The following PLOD2 variants were observed in gnomAD, a reference collection of about 807,000 sequenced individuals.
PLOD2 encodes procollagen-lysine,2-oxoglutarate 5-dioxygenase 2, also known as lysine hydroxylase 2.
Under a neutral mutation model 101.0 loss-of-function variants are expected in PLOD2, and 65 were observed. That is an observed-to-expected ratio of 0.64 (90% CI 0.53 to 0.79). PLOD2 has a LOEUF of 0.79. Ranked by LOEUF, PLOD2 falls within the 30% of genes least tolerant of loss-of-function variation. The pLI, the probability that PLOD2 is intolerant of heterozygous loss-of-function variation, is 0.00. For synonymous variants in PLOD2, 314 were observed against 302.9 expected (o/e 1.04, Z -0.38); for missense variants, 909 against 914.6 (o/e 0.99, Z 0.08).
Position 146,096,880 on chromosome 3 carries a change from T to TGG in PLOD2, c.778-4981_778-4980dup, listed in dbSNP as rs1319532674. Among the ~76,000 whole-genome samples the TGG allele has an allele frequency of 5.6e-3, 359 of 63,568 alleles. 14 individuals carry two copies. The highest frequency in any genetic ancestry group is 0.024 in the African/African-American group (336 of 14,206). 41.7% of individuals were successfully genotyped at this position (63,568 alleles called of 152,430 possible). A position where few individuals can be genotyped will look rare whatever the true frequency, so the allele number is the denominator to read the frequency against. ...CCAGCTGCCCCGTCCGGGAGGGAGG[T>TGG]GGGGGGGGGGAGTCGGCCAGCCGCC... On this transcript the variant is annotated intron_variant, in intron 7 of 19. Transcript: ENST00000282903.
intron 8 of PLOD2, among the ~76,000 whole-genome samples, chr3:146,091,353 A>G (rs1193925055): frequency 6.6e-6 from 1 of 151,912 alleles, no homozygotes; most frequent in South Asian, 2.1e-4. Context: ...GAGTTTTGTG[A>G]AGTTTAAATG....
chr3:146,138,015 C>T (rs1393000435), intron 1 of PLOD2, among the ~76,000 whole-genome samples: 1 of 151,964 alleles, frequency 6.6e-6, no homozygotes, highest in Non-Finnish European at 1.5e-5. Flanking sequence ...GAGAGGGATT[C>T]GTGTTTTCAT....
chr3:146,132,286 T>C (rs1276167326), intron 1 of PLOD2, among the ~76,000 whole-genome samples: 2 of 152,184 alleles, frequency 1.3e-5, no homozygotes, highest in Admixed American at 1.3e-4. Context: ...TTGGTCACCA[T>C]AGCAGTATGT....
intron 3 of PLOD2, among the ~76,000 whole-genome samples, chr3:146,118,203 T>A (rs552390630): frequency 6.6e-6 from 1 of 152,128 alleles, no homozygotes; most frequent in African/African-American, 2.4e-5. Context: ...GTATTCTTTT[T>A]CTAAGTGTAA....
At chr3:146,121,288 A>T (rs766897488) in intron 2 of PLOD2, 40 bp from the exon 3 acceptor site, 1 of 1,586,700 alleles carries the variant, frequency 6.3e-7, no homozygotes, top group Non-Finnish European at 8.6e-7. Context: ...AGCAAAACTC[A>T]AATTATGAAA....
Position 146,160,977 on chromosome 3 carries a change from T to G in PLOD2, c.13A>C (p.Thr5Pro). The G allele has an allele frequency of 1.3e-6, 2 of 1,586,370 alleles. No homozygotes were observed. Among genetic ancestry groups the G allele is most frequent in the Non-Finnish European group, 1.7e-6 (2 of 1,166,200 alleles). ...AGGAGCAGCAGCTGAGGCTTCACCG[T>G]GCATCCCCCCATATTCGGCCCTCGA... is the stretch of plus-strand genomic sequence containing the variant. MGGC[T>P]VKPQLLLLAL... Residue 5 changes from threonine (T) to proline (P), a missense_variant, in exon 1 of 20, where the codon ACG (threonine) becomes CCG (proline). Thr to Pro is a conservative substitution (Grantham distance 38). Coordinates refer to ENST00000282903, the MANE Select transcript of PLOD2 (RefSeq NM_182943.3).
At chr3:146,091,727 T>C in intron 8 of PLOD2, 73 bp downstream of exon 8, 3 of 880,544 alleles carry the variant, frequency 3.4e-6, no homozygotes, top group Non-Finnish European at 5.7e-6. Flanking sequence ...TTGCCTTTTT[T>C]CCTATAAATC....
At chr3:146,151,683 G>A (rs867688477) in intron 1 of PLOD2, among the ~76,000 whole-genome samples, 8 of 152,240 alleles carry the variant, frequency 5.3e-5, no homozygotes, top group African/African-American at 1.7e-4. Context: ...ACCCGTAAGT[G>A]CTTCTCAGAT....
intron 1 of PLOD2, among the ~76,000 whole-genome samples, chr3:146,135,150 T>C (rs1430978747): frequency 6.6e-6 from 1 of 152,190 alleles, no homozygotes. Flanking sequence ...ATAAAATGAA[T>C]ACATTTAAAT....
At chr3:146,157,472 G>C (rs959191033) in intron 1 of PLOD2, among the ~76,000 whole-genome samples, 10 of 152,154 alleles carry the variant, frequency 6.6e-5, no homozygotes, top group African/African-American at 2.2e-4. Context: ...AACTAAAAAG[G>C]AAGGAACAGA....
rs1207332098 is a variant in PLOD2 at position 146,086,517 on chromosome 3, G to A, written c.1127+270C>T. 5.3e-5 allele frequency: 11 copies of A among 208,082 alleles called. No individual in the cohort carries two copies. The East Asian group carries it at 1.2e-3, about 24-fold the overall frequency. 12.9% of individuals were successfully genotyped at this position (208,082 alleles called of 1,614,324 possible). ...TGAAAGTCATACTATTCATTTATCTGCATTTAAAAAAAATTGATCTTACCT... is the reference window on the plus strand; with the variant it reads ...TGAAAGTCATACTATTCATTTATCTACATTTAAAAAAAATTGATCTTACCT... On this transcript the variant is annotated intron_variant, in intron 10 of 19. Coordinates refer to ENST00000282903, the MANE Select transcript of PLOD2 (RefSeq NM_182943.3).
At chr3:146,088,969 G>T (rs1936882560) in intron 8 of PLOD2, among the ~76,000 whole-genome samples, 1 of 151,536 alleles carries the variant, frequency 6.6e-6, no homozygotes, top group African/African-American at 2.4e-5. Flanking sequence ...TTTATTACAT[G>T]AATGTAATTC....
chr3:146,094,532 G>A (rs1937082783), intron 7 of PLOD2, among the ~76,000 whole-genome samples: 3 of 152,126 alleles, frequency 2.0e-5, no homozygotes, highest in Non-Finnish European at 2.9e-5. Context: ...TACGAGGGAC[G>A]TGAAGGATCT....
At chr3:146,074,003 G>A (rs1936242655) in intron 15 of PLOD2, among the ~76,000 whole-genome samples, 1 of 151,390 alleles carries the variant, frequency 6.6e-6, no homozygotes, top group Non-Finnish European at 1.5e-5. Flanking sequence ...ACTAGCACTT[G>A]CACTTCTTTC....
At position 146,071,073 on chromosome 3, in the gene PLOD2, A is replaced by C. The variant is rs1231030076; in HGVS notation, c.2090T>G (p.Ile697Ser). The part of the protein sequence containing the change: ...HHDASTFTIN[I>S]ALNNVGEDFQ... Reference sequence around the variant, plus strand: ...GTCTTCTCCCACGTTATTAAGTGCAATGTTTATGGTAAATGTAGAAGCATC... The same window carrying C: ...GTCTTCTCCCACGTTATTAAGTGCACTGTTTATGGTAAATGTAGAAGCATC... The change falls in exon 19 of 20, where the codon ATT becomes AGT. Residue 697 changes from isoleucine (I) to serine (S), a missense_variant. Coordinates refer to ENST00000282903, the MANE Select transcript of PLOD2 (RefSeq NM_182943.3). 6.2e-7 allele frequency: 1 copy of C among 1,609,242 alleles called. No homozygotes were observed. The highest frequency in any genetic ancestry group is 1.7e-5 in the Admixed American group (1 of 59,716).
At chr3:146,145,143 C>G (rs1473779274) in intron 1 of PLOD2, among the ~76,000 whole-genome samples, 1 of 152,154 alleles carries the variant, frequency 6.6e-6, no homozygotes, top group African/African-American at 2.4e-5. Context: ...AAGGGCTAAA[C>G]TGACTACATC....
chr3:146,077,342 A>T, intron 14 of PLOD2: 1 of 197,954 alleles, frequency 5.1e-6, no homozygotes, highest in Non-Finnish European at 9.3e-6. Flanking sequence ...TTCTTTTTCT[A>T]ATGTTTAAAG....
chr3:146,091,281 T>C (rs1354492911), intron 8 of PLOD2, among the ~76,000 whole-genome samples: 3 of 151,918 alleles, frequency 2.0e-5, no homozygotes, highest in Non-Finnish European at 4.4e-5. Context: ...ACACGTTACT[T>C]ACATTTATGC....
intron 7 of PLOD2, among the ~76,000 whole-genome samples, chr3:146,093,099 A>C (rs1937032854): frequency 6.6e-6 from 1 of 152,138 alleles, no homozygotes; most frequent in South Asian, 2.1e-4. Flanking sequence ...TAAAGTCCTA[A>C]AGGGGATGTT....
Sources: gnomAD v4.1 joint callset for allele counts (sites outside exome capture counted in the v4.1 genomes callset) on GRCh38, gnomAD v4.1.1 for gene constraint, MANE v1.5 for transcripts, NCBI Gene and HGNC (gene_info 2026-07-23, HGNC 2026-07-21) for gene names.